LRPPRC: variants seen among roughly 807,000 people sequenced by gnomAD.
The protein encoded by LRPPRC is leucine-rich PPR motif-containing protein, mitochondrial.
In LRPPRC, 120 loss-of-function variants were observed where a neutral mutation model predicts 180.3. That is an observed-to-expected ratio of 0.67 (90% confidence interval 0.57 to 0.77). The LOEUF (loss-of-function observed/expected upper bound fraction) is 0.77, where lower values mean the gene tolerates loss of function less well. Among genes scored for constraint, LRPPRC ranks in the 30% least tolerant of loss-of-function variants. The probability of loss-of-function intolerance (pLI) is 0.00; values close to 1 mark genes in which losing one functional copy is unlikely to be tolerated. For missense variants in LRPPRC, 2,012 were observed against 1,657.2 expected (o/e 1.21, Z -3.72); for synonymous variants, 723 against 600.0 (o/e 1.21, Z -3.00).
chr2:43,990,076 A>G (rs11685393), intron 1 of LRPPRC, among the ~76,000 whole-genome samples: 85,749 of 151,708 alleles, frequency 0.57, 25,325 homozygotes, highest in African/African-American at 0.63. Flanking sequence ...AAAATTAGCC[A>G]GGCATGGTGG....
intron 30 of LRPPRC, among the ~76,000 whole-genome samples, chr2:43,906,123 T>C (rs1197519317): frequency 6.8e-6 from 1 of 147,248 alleles, no homozygotes; most frequent in Non-Finnish European, 1.5e-5. Flanking sequence ...AGCTGGATAC[T>C]TTTTTTTTTC....
rs541876540 is a variant in LRPPRC at position 43,949,546 on chromosome 2, T to A, written c.1735+56A>T. The A allele has an allele frequency of 3.7e-6, 5 of 1,334,454 alleles. No homozygotes were observed. In the African/African-American group the frequency reaches 5.8e-5, roughly 15 times the overall value. The allele number at this position is 1,334,454 out of a possible 1,614,324, so 82.7% of individuals were successfully genotyped here. On this transcript the variant is annotated intron_variant, in intron 16 of 37. Transcript: ENST00000260665. ...CTGCTGTAATCCTCCTAACCCATCATTACACAGAAAAATGGATTTGTGGAT... is the reference window on the plus strand; with the variant it reads ...CTGCTGTAATCCTCCTAACCCATCAATACACAGAAAAATGGATTTGTGGAT...
In LRPPRC at chr2:43,974,744, C is replaced by T. The variant is rs753264652; in HGVS notation, c.879G>A (p.Val293=). Residue 293 remains valine (V), a synonymous_variant, in exon 8 of 38, where the codon GTG becomes GTA. Transcript: ENST00000260665. ...IDHVKQTLEK[V]EKSELHLMDR... ...CCATAAGGTGAAGCTCGGACTTCTC[C>T]ACCTTCTCCAGAGTCTATAGAGAGT... 3 of 1,613,542 alleles carry T rather than the reference C, an allele frequency of 1.9e-6. No homozygotes were observed. The highest frequency in any genetic ancestry group is 2.5e-6 in the Non-Finnish European group (3 of 1,179,666).
At chr2:43,891,877 A>G (rs1670505190) in intron 36 of LRPPRC, among the ~76,000 whole-genome samples, 1 of 152,260 alleles carries the variant, frequency 6.6e-6, no homozygotes, top group African/African-American at 2.4e-5. Flanking sequence ...ATGCAAAGGA[A>G]AAGTCCTTGA....
chr2:43,925,855 A>C, intron 26 of LRPPRC, 38 bp downstream of exon 26: 4 of 1,419,576 alleles, frequency 2.8e-6, no homozygotes, highest in Non-Finnish European at 4.0e-6. Context: ...TTCTACTCAC[A>C]CTTTTAGGTG....
chr2:43,918,768 A>T (rs1026261548), intron 27 of LRPPRC, among the ~76,000 whole-genome samples: 24 of 144,792 alleles, frequency 1.7e-4, no homozygotes, highest in African/African-American at 5.9e-4. Context: ...CGTTGCAAAG[A>T]TCCTGGAAAT....
chr2:43,910,260 G>C (rs1216743862), intron 30 of LRPPRC, among the ~76,000 whole-genome samples: 2 of 150,232 alleles, frequency 1.3e-5, no homozygotes, highest in Admixed American at 6.6e-5. Context: ...TTGAGACAGA[G>C]TCTTGCTCTG....
chr2:43,903,189 G>C (rs1192240010), intron 31 of LRPPRC: 1 of 152,120 alleles, frequency 6.6e-6, no homozygotes, highest in Admixed American at 6.6e-5. Context: ...CTTGCCTTCT[G>C]TACAGTTAAT....
At position 43,947,267 on chromosome 2, in the gene LRPPRC, C is replaced by G. The variant is rs767630248; in HGVS notation, c.2069G>C (p.Cys690Ser). 1.3e-6 allele frequency: 2 copies of G among 1,555,840 alleles called. No homozygotes were observed. Among genetic ancestry groups the G allele is most frequent in the Non-Finnish European group, 8.8e-7 (1 of 1,131,924 alleles). ...DVLKQLILVLCSEENMQKALE... is the reference protein window; with the variant it reads ...DVLKQLILVLSSEENMQKALE... ...TAAAACAAATGTTACCTCTTCTGAACAAAGCACTAATATGAGTTGCTTTAG... is the reference window on the plus strand; with the variant it reads ...TAAAACAAATGTTACCTCTTCTGAAGAAAGCACTAATATGAGTTGCTTTAG... The change falls in exon 20 of 38, where the codon TGT becomes TCT. Residue 690 changes from cysteine to serine, a missense_variant. Cys to Ser is a moderately radical substitution (Grantham distance 112, BLOSUM62 -1). Transcript: ENST00000260665.
chr2:43,981,532 C>T (rs1383310011), intron 2 of LRPPRC, among the ~76,000 whole-genome samples: 2 of 151,896 alleles, frequency 1.3e-5, no homozygotes, highest in African/African-American at 2.4e-5. Flanking sequence ...TGGCATGCAT[C>T]GGTAGTCCCA....
At chr2:43,979,765 T>G in intron 3 of LRPPRC, 61 bp downstream of exon 3, 1 of 1,501,840 alleles carries the variant, frequency 6.7e-7, no homozygotes. Flanking sequence ...ACAAACACTT[T>G]TTTGCAAAAA....
Position 43,920,756 on chromosome 2 carries a change from G to A in LRPPRC, c.2897-2358C>T, listed in dbSNP as rs2105031793. On this transcript the variant is annotated intron_variant, in intron 27 of 37. Coordinates refer to ENST00000260665, the MANE Select transcript of LRPPRC (RefSeq NM_133259.4). ...GAGCACTTCTGTTGACTGCCAAAAG[G>A]TCCTTGTGGACTGTGGGAAGACAGG... Among the ~76,000 whole-genome samples, 5 of 151,826 alleles carry A rather than the reference G, an allele frequency of 3.3e-5. No individual in the cohort carries two copies. In the Middle Eastern group the frequency reaches 0.017, roughly 524 times the overall value.
chr2:43,907,822 G>A (rs937523316), intron 30 of LRPPRC, among the ~76,000 whole-genome samples: 3 of 151,986 alleles, frequency 2.0e-5, no homozygotes, highest in Non-Finnish European at 4.4e-5. Context: ...CTTTCACATT[G>A]GACATTTCAG....
At chr2:43,919,710 G>C (rs1445863637) in intron 27 of LRPPRC, among the ~76,000 whole-genome samples, 1 of 152,018 alleles carries the variant, frequency 6.6e-6, no homozygotes, top group Non-Finnish European at 1.5e-5. Context: ...GTTTCTGCTT[G>C]TGAAAAACTG....
chr2:43,923,614 TG>T (rs1422279598), intron 27 of LRPPRC, among the ~76,000 whole-genome samples: 2 of 152,202 alleles, frequency 1.3e-5, no homozygotes, highest in Non-Finnish European at 2.9e-5. Context: ...TGTTAAGACT[TG>T]GTGATGGGGC....
intron 29 of LRPPRC, among the ~76,000 whole-genome samples, chr2:43,915,727 AGGAG>A (rs1671442977): frequency 6.6e-6 from 1 of 152,216 alleles, no homozygotes; most frequent in East Asian, 1.9e-4. Context: ...TAGGTAACTG[AGGAG>A]GCATAAGAAC....
At chr2:43,973,350 T>G (rs1020377003) in intron 11 of LRPPRC, among the ~76,000 whole-genome samples, 5 of 152,166 alleles carry the variant, frequency 3.3e-5, no homozygotes, top group African/African-American at 1.2e-4. Context: ...TTAAAAAAAC[T>G]ACGTTCATTA....
chr2:43,899,038 G>A (rs1256279728), intron 34 of LRPPRC, among the ~76,000 whole-genome samples, 181 bp downstream of exon 34: 1 of 152,102 alleles, frequency 6.6e-6, no homozygotes, highest in East Asian at 1.9e-4. Flanking sequence ...TTTAAAACCA[G>A]TAACCTAAAA....
At chr2:43,974,355 C>G (rs1159313261) in intron 8 of LRPPRC, 60 bp from the exon 9 acceptor site, 5 of 1,199,490 alleles carry the variant, frequency 4.2e-6, no homozygotes, top group African/African-American at 3.0e-5. Flanking sequence ...TACACTGCAA[C>G]CAATGTTCCA....
Sources: gnomAD v4.1 joint callset for allele counts (sites outside exome capture counted in the v4.1 genomes callset) on GRCh38, gnomAD v4.1.1 for gene constraint, MANE v1.5 for transcripts, NCBI Gene and HGNC (gene_info 2026-07-23, HGNC 2026-07-21) for gene names.